Variants in JMJD1C observed in about 807,000 individuals in gnomAD.
JMJD1C encodes jumonji domain-containing protein 1C.
In JMJD1C, 31 loss-of-function variants were observed where a neutral mutation model predicts 245.3. The observed-to-expected ratio is 0.13, with a 90% confidence interval of 0.09 to 0.17. The LOEUF (loss-of-function observed/expected upper bound fraction) is 0.17, where lower values mean the gene tolerates loss of function less well. Ranked by LOEUF, JMJD1C falls within the 10% of genes least tolerant of loss-of-function variation. The probability of loss-of-function intolerance (pLI) is 1.00; values close to 1 mark genes in which losing one functional copy is unlikely to be tolerated. For synonymous variants in JMJD1C, 1,057 were observed against 1,017.4 expected (o/e 1.04, Z -0.74); for missense variants, 2,691 against 3,000.2 (o/e 0.90, Z 2.41).
chr10:63,500,719 G>C (rs1434145746), intron 1 of JMJD1C, among the ~76,000 whole-genome samples: 2 of 151,520 alleles, frequency 1.3e-5, no homozygotes, highest in Non-Finnish European at 2.9e-5. Flanking sequence ...GAGCAAGACT[G>C]TCTCGATGGA....
Position 63,495,394 on chromosome 10 carries a change from C to G in JMJD1C, n.113+26344G>C, listed in dbSNP as rs184332968. 1.7e-4 allele frequency among the ~76,000 whole-genome samples: 25 copies of G among 148,654 alleles called. No individual in the cohort carries two copies. In the East Asian group the frequency reaches 5.0e-3, roughly 30 times the overall value. On this transcript the variant is annotated intron_variant and non_coding_transcript_variant, in intron 1 of 3. Transcript: ENST00000633035. ...ACTGAAATATCAAATATTTTTTAAACCCAAGAATTCATAAAAAAAAAAAAA... is the reference window on the plus strand; with the variant it reads ...ACTGAAATATCAAATATTTTTTAAAGCCAAGAATTCATAAAAAAAAAAAAA...
chr10:63,473,254 T>TA (rs796831012), intron 1 of JMJD1C, among the ~76,000 whole-genome samples: 2 of 114,908 alleles, frequency 1.7e-5, no homozygotes, highest in African/African-American at 1.3e-4. Flanking sequence ...TTAAAAAAAC[T>TA]TTTTTTTTTG....
At chr10:63,294,475 G>A (rs1459191141) in intron 2 of JMJD1C, among the ~76,000 whole-genome samples, 3 of 151,910 alleles carry the variant, frequency 2.0e-5, no homozygotes, top group Non-Finnish European at 1.5e-5. Context: ...TGGTAGACAC[G>A]GGGTTTCACC....
intron 1 of JMJD1C, among the ~76,000 whole-genome samples, chr10:63,392,824 CAAAAAAAAA>C (rs991038264): frequency 0.028 from 801 of 28,812 alleles, 6 homozygotes; most frequent in Non-Finnish European, 0.037. Context: ...ACTTCGTCTC[CAAAAAAAAA>C]AAAAAAAAAA....
At chr10:63,332,791 TGA>T (rs1942300389) in intron 2 of JMJD1C, among the ~76,000 whole-genome samples, 2 of 152,238 alleles carry the variant, frequency 1.3e-5, no homozygotes, top group Non-Finnish European at 2.9e-5. Flanking sequence ...TATGCTAGGT[TGA>T]GAGTTACACA....
chr10:63,384,093 T>C (rs77941868), intron 1 of JMJD1C, among the ~76,000 whole-genome samples: 1 of 152,290 alleles, frequency 6.6e-6, no homozygotes, highest in East Asian at 1.9e-4. Flanking sequence ...ACCATGTTCT[T>C]TGCCCATCCA....
chr10:63,266,565 T>C (rs1245479017), intron 2 of JMJD1C, among the ~76,000 whole-genome samples: 3 of 152,146 alleles, frequency 2.0e-5, no homozygotes, highest in South Asian at 2.1e-4. Flanking sequence ...TTTTTTCATA[T>C]TATATCTCTG....
At chr10:63,240,496 C>T (rs1851349882) in intron 3 of JMJD1C, among the ~76,000 whole-genome samples, 1 of 152,140 alleles carries the variant, frequency 6.6e-6, no homozygotes, top group Non-Finnish European at 1.5e-5. Context: ...AGATGATTAG[C>T]CATCTTAGCA....
chr10:63,496,202 ACTT>A (rs934084642), intron 1 of JMJD1C, among the ~76,000 whole-genome samples: 7 of 152,112 alleles, frequency 4.6e-5, no homozygotes, highest in Non-Finnish European at 1.0e-4. Flanking sequence ...AGGATAAATA[ACTT>A]ATTTTTTTCA....
At chr10:63,321,830 A>G (rs1445455432) in intron 2 of JMJD1C, among the ~76,000 whole-genome samples, 1 of 152,244 alleles carries the variant, frequency 6.6e-6, no homozygotes, top group African/African-American at 2.4e-5. Context: ...CTGATAGCCA[A>G]GAGGATGCCC....
chr10:63,388,252 C>T (rs1947784815), intron 1 of JMJD1C, among the ~76,000 whole-genome samples: 1 of 151,658 alleles, frequency 6.6e-6, no homozygotes, highest in Non-Finnish European at 1.5e-5. Flanking sequence ...TATCTAGTCA[C>T]TTATTAATGA....
intron 2 of JMJD1C, among the ~76,000 whole-genome samples, chr10:63,277,106 C>G (rs1300294542): frequency 6.6e-6 from 1 of 151,912 alleles, no homozygotes; most frequent in Non-Finnish European, 1.5e-5. Flanking sequence ...TGGTCTCGAT[C>G]TCCTGACCTC....
intron 2 of JMJD1C, among the ~76,000 whole-genome samples, chr10:63,311,199 C>T (rs1017664896): frequency 2.0e-5 from 3 of 147,212 alleles, no homozygotes; most frequent in African/African-American, 5.0e-5. Context: ...GATGAAACCC[C>T]GGCTCTATTA....
intron 2 of JMJD1C, among the ~76,000 whole-genome samples, chr10:63,284,420 C>T (rs1332415842): frequency 6.6e-6 from 1 of 152,136 alleles, no homozygotes; most frequent in Non-Finnish European, 1.5e-5. Context: ...TCTGAAGAAT[C>T]CTGAAAGCCT....
rs12255314 is a variant in JMJD1C at position 63,357,054 on chromosome 10, T to A, written c.333+23264A>T. 3.9e-3 allele frequency among the ~76,000 whole-genome samples: 598 copies of A among 152,108 alleles called. 6 individuals carry two copies. The highest frequency in any genetic ancestry group is 0.014 in the African/African-American group (573 of 41,522). Reference sequence around the variant, plus strand: ...TACTGACATTATATCTTTTTTTTTTTAATGGACTCTCACTCTGTCGCCAGG... The same window carrying A: ...TACTGACATTATATCTTTTTTTTTTAAATGGACTCTCACTCTGTCGCCAGG... On this transcript the variant is annotated intron_variant, in intron 2 of 25. Transcript: ENST00000399262.
chr10:63,286,633 C>T (rs1479513356), intron 2 of JMJD1C, among the ~76,000 whole-genome samples: 1 of 152,176 alleles, frequency 6.6e-6, no homozygotes, highest in Admixed American at 6.6e-5. Flanking sequence ...CACATAGAGG[C>T]CCTTTAAACT....
chr10:63,328,879 T>C (rs4520481), intron 2 of JMJD1C, among the ~76,000 whole-genome samples: 2,254 of 152,350 alleles, frequency 0.015, 51 homozygotes, highest in African/African-American at 0.052. Context: ...ATGTACGTTA[T>C]ATTTTAATTG....
At chr10:63,424,346 C>A (rs1446941984) in intron 1 of JMJD1C, among the ~76,000 whole-genome samples, 2 of 151,858 alleles carry the variant, frequency 1.3e-5, no homozygotes, top group Non-Finnish European at 2.9e-5. Flanking sequence ...GGATTACAGG[C>A]ATGAGCCACT....
intron 3 of JMJD1C, among the ~76,000 whole-genome samples, chr10:63,263,174 A>G (rs1855011590): frequency 6.6e-6 from 1 of 152,194 alleles, no homozygotes; most frequent in South Asian, 2.1e-4. Context: ...CCACTATTAA[A>G]TTGGGATTTG....
Sources: allele counts gnomAD v4.1 joint callset (sites outside exome capture counted in the v4.1 genomes callset), GRCh38; gene constraint gnomAD v4.1.1; transcripts MANE v1.5; gene names NCBI Gene and HGNC (gene_info 2026-07-23, HGNC 2026-07-21).